DNTTIP1: variants seen among roughly 807,000 people sequenced by gnomAD.
DNTTIP1 encodes the protein deoxynucleotidyltransferase terminal-interacting protein 1.
In DNTTIP1, 22 loss-of-function variants were observed where a neutral mutation model predicts 52.9. The observed-to-expected ratio is 0.42, with a 90% CI of 0.30 to 0.59. The LOEUF (loss-of-function observed/expected upper bound fraction) is 0.59. Ranked by LOEUF, DNTTIP1 falls within the 20% of genes least tolerant of loss-of-function variation. DNTTIP1 has a pLI of 0.22. For missense variants in DNTTIP1, 286 were observed against 435.5 expected (o/e 0.66, Z 3.06); for synonymous variants, 136 against 155.1 (o/e 0.88, Z 0.92).
At position 45,811,396 on chromosome 20, in the gene DNTTIP1, T is replaced by G; in HGVS notation, c.*201T>G. The G allele has an allele frequency of 1.8e-6, 1 of 554,344 alleles. No individual in the cohort carries two copies. The highest frequency in any genetic ancestry group is 3.1e-6 in the Non-Finnish European group (1 of 325,570). The allele number at this position is 554,344 out of a possible 1,614,324, so 34.3% of individuals were successfully genotyped here. ...GTAAAGTTATTGGGATAAGAAACAA[T>G]TAAACAGTTTGTAGTAAACACAGAT... is the stretch of plus-strand genomic sequence containing the variant. On this transcript the variant is annotated 3_prime_UTR_variant, in exon 13 of 13. Coordinates refer to ENST00000372622, the MANE Select transcript of DNTTIP1 (RefSeq NM_052951.3).
Position 45,811,093 on chromosome 20 carries a change from C to T in DNTTIP1, c.888C>T (p.Ser296=), listed in dbSNP as rs752326071. The T allele has an allele frequency of 6.2e-7, 1 of 1,614,082 alleles. No individual in the cohort carries two copies. The highest frequency in any genetic ancestry group is 1.3e-5 in the African/African-American group (1 of 75,054). The change falls in exon 13 of 13, where the codon TCC becomes TCT. Residue 296 remains serine (S), a synonymous_variant. Transcript: ENST00000372622. ...CLDLKLEELK[S]FVLPSWMVEK... is the part of the protein sequence containing the mutation. ...ATCTGAAGCTAGAGGAATTGAAATC[C>T]TTTGTCCTACCCTCCTGGATGGTGG...
intron 10 of DNTTIP1, among the ~76,000 whole-genome samples, chr20:45,806,661 C>T (rs1321148729): frequency 6.6e-6 from 1 of 152,238 alleles, no homozygotes. Context: ...GCTTTCTCTA[C>T]CACATTCTGT....
At chr20:45,793,791 G>C (rs1981133334) in intron 2 of DNTTIP1, 130 bp from the exon 3 acceptor site, 1 of 492,358 alleles carries the variant, frequency 2.0e-6, no homozygotes, top group Non-Finnish European at 3.7e-6. Context: ...CAAAATCTGA[G>C]CATGTAGCTA....
At chr20:45,793,599 C>T (rs1193788744) in intron 2 of DNTTIP1, among the ~76,000 whole-genome samples, 1 of 152,086 alleles carries the variant, frequency 6.6e-6, no homozygotes, top group Non-Finnish European at 1.5e-5. Flanking sequence ...ACTAAGGAGG[C>T]TGAGGCAGGA....
chr20:45,800,694 A>AAT (rs1158615012), intron 4 of DNTTIP1, among the ~76,000 whole-genome samples: 6 of 16,410 alleles, frequency 3.7e-4, no homozygotes, highest in Non-Finnish European at 5.5e-4. Context: ...AAAAAAAAAA[A>AAT]ATATATATAT....
intron 7 of DNTTIP1, chr20:45,803,078 T>G (rs1201351896): frequency 2.1e-6 from 1 of 465,754 alleles, no homozygotes; most frequent in African/African-American, 1.9e-5. Context: ...TTGTCTCTTT[T>G]GACAGATGAG....
chr20:45,800,731 ATATATATATATATATATATATATAT>A (rs1981434576), intron 4 of DNTTIP1, among the ~76,000 whole-genome samples: 2 of 45,080 alleles, frequency 4.4e-5, no homozygotes, highest in African/African-American at 1.8e-4. Context: ...ATATATATAT[ATATATATATATATATATATATATAT>A]TTGGAAGTGG....
chr20:45,811,409 A>G lies in DNTTIP1; in HGVS notation c.*214A>G. On this transcript the variant is annotated 3_prime_UTR_variant, in exon 13 of 13. Transcript: ENST00000372622. ...GATAAGAAACAATTAAACAGTTTGT[A>G]GTAAACACAGATGGTGAACCTGCTG... 2.0e-6 allele frequency: 1 copy of G among 510,930 alleles called. No individual in the cohort carries two copies. Among genetic ancestry groups the G allele is most frequent in the Non-Finnish European group, 3.4e-6 (1 of 294,878 alleles). The allele number at this position is 510,930 out of a possible 1,614,324, so 31.6% of individuals were successfully genotyped here.
chr20:45,803,173 CT>C (rs1981527503), intron 7 of DNTTIP1, 159 bp from the exon 8 acceptor site: 14 of 663,672 alleles, frequency 2.1e-5, no homozygotes, highest in Non-Finnish European at 3.1e-5. Flanking sequence ...TAGTCCAGTG[CT>C]TTTTTTCCCT....
chr20:45,792,274 T>C (rs992636613), intron 1 of DNTTIP1, among the ~76,000 whole-genome samples, 165 bp downstream of exon 1: 1 of 152,182 alleles, frequency 6.6e-6, no homozygotes, highest in African/African-American at 2.4e-5. Context: ...CCCTCCTAGC[T>C]AGGTGACGTG....
chr20:45,804,734 C>T (rs150748632), intron 8 of DNTTIP1, among the ~76,000 whole-genome samples: 32 of 152,260 alleles, frequency 2.1e-4, no homozygotes, highest in African/African-American at 7.5e-4. Flanking sequence ...TCATGCTGCC[C>T]CCTGTCTGGA....
rs778310350 is a variant in DNTTIP1, at chr20:45,794,047, G to A, written c.273+30G>A. On this transcript the variant is annotated intron_variant, in intron 3 of 12. Coordinates refer to ENST00000372622, the MANE Select transcript of DNTTIP1 (RefSeq NM_052951.3). ...GAGGGACACAGGATAAAAAATAACA[G>A]GAGAAAGACTCATGAGGAGCCCAGT... The A allele has an allele frequency of 2.7e-6, 4 of 1,466,774 alleles. No homozygotes were observed. The African/African-American group carries it at 4.2e-5, about 15-fold the overall frequency. 90.9% of individuals were successfully genotyped at this position (1,466,774 alleles called of 1,614,324 possible). A position where few individuals can be genotyped will look rare whatever the true frequency, so the allele number is the denominator to read the frequency against.
At chr20:45,808,301 G>T (rs1328646666) in intron 10 of DNTTIP1, among the ~76,000 whole-genome samples, 1 of 152,052 alleles carries the variant, frequency 6.6e-6, no homozygotes, top group Non-Finnish European at 1.5e-5. Context: ...CCAAGATCAT[G>T]CCACTGCACT....
Position 45,811,147 on chromosome 20 carries a change from A to G in DNTTIP1, c.942A>G (p.Leu314=), listed in dbSNP as rs748767099. 8 of 1,614,010 alleles carry G rather than the reference A, an allele frequency of 5.0e-6. No individual in the cohort carries two copies. ...AGATGAGAAAGTATATGGAGACACT[A>G]CGGACAGAGAATGAGCATCGTGCTG... ...VEKMRKYMET[L]RTENEHRAVE... Residue 314 remains leucine, a synonymous_variant, in exon 13 of 13, where the codon CTA becomes CTG. Transcript: ENST00000372622.
Position 45,792,048 on chromosome 20 carries a change from G to C in DNTTIP1, c.44G>C (p.Gly15Ala). ...GDAEQPRGPS[G>A]AERGGLELGD... The stretch of plus-strand genomic sequence containing the variant: ...GCCGAGCAGCCGCGGGGACCTAGCG[G>C]GGCCGAGAGGGGCGGCTTGGAGCTG... The change falls in exon 1 of 13, where the codon GGG becomes GCG. Residue 15 changes from glycine to alanine, a missense_variant. Physicochemically the swap from Gly to Ala is moderately conservative, Grantham distance 60. This residue lies in a region of DNTTIP1 where 208 missense variants were observed against 266.5 expected (regional missense o/e 0.78). Coordinates refer to ENST00000372622, the MANE Select transcript of DNTTIP1 (RefSeq NM_052951.3). 1.6e-6 allele frequency: 2 copies of C among 1,281,818 alleles called. No individual in the cohort carries two copies. Among genetic ancestry groups the C allele is most frequent in the Non-Finnish European group, 2.0e-6 (2 of 1,013,262 alleles). 79.4% of individuals were successfully genotyped at this position (1,281,818 alleles called of 1,614,324 possible).
intron 7 of DNTTIP1, chr20:45,803,054 G>T: frequency 2.4e-6 from 1 of 418,274 alleles, no homozygotes; most frequent in Non-Finnish European, 4.4e-6. Context: ...AGATAGGTAG[G>T]GCAGTTGCTG....
At chr20:45,805,247 G>A in intron 9 of DNTTIP1, 43 bp downstream of exon 9, 1 of 1,614,028 alleles carries the variant, frequency 6.2e-7, no homozygotes, top group East Asian at 2.2e-5. Context: ...AACAGCTCAG[G>A]AGTTCACTAG....
At chr20:45,796,991 C>T (rs933181397) in intron 4 of DNTTIP1, among the ~76,000 whole-genome samples, 1 of 152,190 alleles carries the variant, frequency 6.6e-6, no homozygotes, top group Non-Finnish European at 1.5e-5. Context: ...TCCTCAAACC[C>T]CTTCTCTTTC....
At chr20:45,794,855 A>G (rs1228733345) in intron 3 of DNTTIP1, among the ~76,000 whole-genome samples, 1 of 148,482 alleles carries the variant, frequency 6.7e-6, no homozygotes. Context: ...GCTGGAGTGC[A>G]GTGGCACGGT....
Sources: gnomAD v4.1 joint callset for allele counts (sites outside exome capture counted in the v4.1 genomes callset) on GRCh38, gnomAD v4.1.1 for gene constraint, gnomAD v4.1.1 regional missense constraint, MANE v1.5 for transcripts, NCBI Gene and HGNC (gene_info 2026-07-23, HGNC 2026-07-21) for gene names.